The following DNMT3L variants were observed in gnomAD, a reference collection of about 807,000 sequenced individuals.
The protein encoded by DNMT3L is DNA (cytosine-5)-methyltransferase 3-like.
DNMT3L carries 33 observed loss-of-function variants against 36.2 expected under a neutral mutation model. That is an observed-to-expected ratio of 0.91 (90% confidence interval 0.69 to 1.22). The LOEUF is 1.22. DNMT3L is among the 50% of genes most tolerant of loss of function. The probability of loss-of-function intolerance (pLI) is 0.00; values close to 1 mark genes in which losing one functional copy is unlikely to be tolerated. For synonymous variants in DNMT3L, 117 were observed against 121.7 expected, an observed-to-expected ratio of 0.96 and a Z score of 0.26; for missense variants, 310 against 303.1, an observed-to-expected ratio of 1.02 and a Z score of -0.17.
intron 8 of DNMT3L, among the ~76,000 whole-genome samples, chr21:44,254,054 C>A (rs1461035712): frequency 6.6e-6 from 1 of 152,206 alleles, no homozygotes; most frequent in Non-Finnish European, 1.5e-5. Context: ...ACACAGGTGG[C>A]TGCTCATGCT....
chr21:44,254,575 C>G (rs760993114), intron 8 of DNMT3L, 42 bp downstream of exon 8: 1 of 1,604,304 alleles, frequency 6.2e-7, no homozygotes, highest in Admixed American at 1.7e-5. Context: ...GCTCGCACCC[C>G]CGCTCCCACT....
intron 8 of DNMT3L, among the ~76,000 whole-genome samples, chr21:44,253,574 C>T (rs1278860194): frequency 1.3e-5 from 2 of 152,128 alleles, no homozygotes; most frequent in African/African-American, 4.8e-5. Context: ...AAAAAATTAG[C>T]TGGGCATGGT....
At position 44,259,673 on chromosome 21, in the gene DNMT3L, G is replaced by A. The variant is rs2040299292; in HGVS notation, c.190C>T (p.Gln64Ter). The change falls in exon 4 of 12, where the codon CAG becomes TAG. Residue 64 changes from glutamine to a stop codon, truncating the protein, a stop_gained. Coordinates refer to ENST00000628202, the MANE Select transcript of DNMT3L (RefSeq NM_175867.3). LOFTEE classifies it high-confidence loss of function. ...ATCCCTCCCTCAAACAGAGGGTGCT[G>A]TGTGTGAACCTGGAGACTTCCGCAG... Reference protein sequence around the residue: ...ICCGSLQVHTQHPLFEGGICA... With the variant: ...ICCGSLQVHT 6 of 1,612,892 alleles carry A rather than the reference G, an allele frequency of 3.7e-6. No homozygotes were observed. Among genetic ancestry groups the A allele is most frequent in the African/African-American group, 1.3e-5 (1 of 74,922 alleles).
chr21:44,254,816 A>T, intron 7 of DNMT3L, 111 bp from the exon 8 acceptor site: 1 of 1,059,254 alleles, frequency 9.4e-7, no homozygotes. Context: ...TTAAGGAGCC[A>T]ACTGTATATT....
chr21:44,258,945 G>A lies in DNMT3L; in HGVS notation c.345-251C>T, dbSNP rs1266841071. Among the ~76,000 whole-genome samples the A allele has an allele frequency of 2.6e-5, 4 of 152,084 alleles. No homozygotes were observed. The highest frequency in any genetic ancestry group is 4.8e-5 in the African/African-American group (2 of 41,398). On this transcript the variant is annotated intron_variant, in intron 5 of 11. Transcript: ENST00000628202. This position sits in a 1 kb window ranked among gnomAD's most constrained non-coding sequence, Gnocchi z 6.2. ...ATGACAGATCCAAGGAACCCCCTAA[G>A]CCACCTGTCTGCCCCCAAACTCGAG... is the stretch of plus-strand genomic sequence containing the variant.
chr21:44,258,737 A>G lies in DNMT3L; in HGVS notation c.345-43T>C, dbSNP rs61410323. The G allele has an allele frequency of 0.056, 88,923 of 1,593,888 alleles. 6,350 individuals are homozygous for G. Among genetic ancestry groups the G allele is most frequent in the African/African-American group, 0.29 (21,355 of 74,494 alleles). ...ACCACAGCAGCGGACATGACAGCCC[A>G]CCTCTCCTGAGGATGGCAGAGGTGG... On this transcript the variant is annotated intron_variant, in intron 5 of 11. Coordinates refer to ENST00000628202, the MANE Select transcript of DNMT3L (RefSeq NM_175867.3). This position sits in a 1 kb window ranked among gnomAD's most constrained non-coding sequence, Gnocchi z 6.2.
At chr21:44,260,048 C>CAAAAAAAAAA (rs765722839) in intron 3 of DNMT3L, among the ~76,000 whole-genome samples, 1 of 63,482 alleles carries the variant, frequency 1.6e-5, no homozygotes, top group African/African-American at 5.7e-5. Context: ...GAGTGTGTCT[C>CAAAAAAAAAA]AAAAAAAAAA....
At position 44,260,069 on chromosome 21, in the gene DNMT3L, A is replaced by G. The variant is rs577270899; in HGVS notation, c.152-358T>C. 1.1e-3 allele frequency among the ~76,000 whole-genome samples: 164 copies of G among 151,336 alleles called. 1 individual carries two copies. Among genetic ancestry groups the G allele is most frequent in the African/African-American group, 3.2e-3 (132 of 41,064 alleles). ...GTCTCAAAAAAAAAAAAAAAAAAAA[A>G]AAGAAGAAGACTTAATATTGTTAAA... On this transcript the variant is annotated intron_variant, in intron 3 of 11. Coordinates refer to ENST00000628202, the MANE Select transcript of DNMT3L (RefSeq NM_175867.3).
intron 8 of DNMT3L, 118 bp downstream of exon 8, chr21:44,254,499 A>T: frequency 8.6e-7 from 1 of 1,159,306 alleles, no homozygotes; most frequent in Non-Finnish European, 1.2e-6. Context: ...CCGTGTGTTC[A>T]GGACTCCTCC....
chr21:44,253,958 G>A (rs748878256), intron 8 of DNMT3L, among the ~76,000 whole-genome samples: 8 of 152,254 alleles, frequency 5.3e-5, no homozygotes, highest in Admixed American at 3.9e-4. Context: ...GAGGGTCTCC[G>A]AGTGCCGAAA....
chr21:44,254,616 C>T lies in DNMT3L; in HGVS notation c.693+1G>A, dbSNP rs2040243236. On this transcript the variant is annotated splice_donor_variant, in intron 8 of 11. Transcript: ENST00000628202. LOFTEE classifies it high-confidence loss of function. ...GTCTGAGAGTTCACGGCGGTACTCA[C>T]ATCCTTCCTCACTGTGTCTGTGACA... is the stretch of plus-strand genomic sequence containing the variant. The T allele has an allele frequency of 6.2e-7, 1 of 1,613,864 alleles. No homozygotes were observed. Among genetic ancestry groups the T allele is most frequent in the Non-Finnish European group, 8.5e-7 (1 of 1,179,872 alleles).
rs189217451 is a variant in DNMT3L, at chr21:44,260,995, C to T, written c.107-156G>A. Among the ~76,000 whole-genome samples, 353 of 152,296 alleles carry T rather than the reference C, an allele frequency of 2.3e-3. 2 individuals are homozygous for T. Among genetic ancestry groups the T allele is most frequent in the South Asian group, 0.011 (54 of 4,828 alleles). On this transcript the variant is annotated intron_variant, in intron 2 of 11. Coordinates refer to ENST00000628202, the MANE Select transcript of DNMT3L (RefSeq NM_175867.3). ...TCACACCTTATCTTGGTGTGTTAAA[C>T]GCCCATACCTGGGGGAAGACTGTGG...
intron 3 of DNMT3L, among the ~76,000 whole-genome samples, chr21:44,260,100 A>G (rs2040303740): frequency 6.6e-6 from 1 of 151,736 alleles, no homozygotes; most frequent in African/African-American, 2.4e-5. Context: ...TTAAAATAGC[A>G]TGAGTCCCCA....
Position 44,256,089 on chromosome 21 carries a change from G to A in DNMT3L, c.582C>T (p.Ser194=), listed in dbSNP as rs192362607. ...CACCTTTCTTGATGTCTTCAAAAAG[G>A]GACAGCACCCGGACTGGCTGTCTCC... ...VWRRQPVRVL[S]LFEDIKKELT... is the part of the protein sequence containing the mutation. The change falls in exon 7 of 12, where the codon TCC becomes TCT. Residue 194 remains serine (S), a synonymous_variant. Transcript: ENST00000628202. The A allele has an allele frequency of 6.2e-7, 1 of 1,613,932 alleles. No homozygotes were observed. Among genetic ancestry groups the A allele is most frequent in the Admixed American group, 1.7e-5 (1 of 60,022 alleles).
In DNMT3L at chr21:44,260,846, A is replaced by G; in HGVS notation, c.107-7T>C. On this transcript the variant is annotated splice_region_variant and splice_polypyrimidine_tract_variant and intron_variant, in intron 2 of 11. Coordinates refer to ENST00000628202, the MANE Select transcript of DNMT3L (RefSeq NM_175867.3). ...ACTTCATATGCAATAAGATCTGGAA[A>G]GGAAGATAAGAAGTAGCCCCTTTCT... 1.2e-6 allele frequency: 2 copies of G among 1,613,152 alleles called. No individual in the cohort carries two copies. The highest frequency in any genetic ancestry group is 1.6e-4 in the Middle Eastern group (1 of 6,062).
At chr21:44,256,606 G>A (rs1295404531) in intron 6 of DNMT3L, among the ~76,000 whole-genome samples, 1 of 140,690 alleles carries the variant, frequency 7.1e-6, no homozygotes, top group East Asian at 2.2e-4. Flanking sequence ...TGTATTTTTA[G>A]TAGAGACAGT....
intron 6 of DNMT3L, among the ~76,000 whole-genome samples, chr21:44,256,967 G>C (rs2040264207): frequency 6.6e-6 from 1 of 150,410 alleles, no homozygotes; most frequent in Non-Finnish European, 1.5e-5. Context: ...TAACAAATGT[G>C]AGCTGGAGGC....
At chr21:44,257,488 C>T (rs1356674675) in intron 6 of DNMT3L, among the ~76,000 whole-genome samples, 23 of 151,696 alleles carry the variant, frequency 1.5e-4, no homozygotes, top group African/African-American at 3.1e-4. Flanking sequence ...GAGACCATCC[C>T]GGCTAAAACT....
In DNMT3L at chr21:44,258,372, C is replaced by T. The variant is rs1466018430; in HGVS notation, c.516+151G>A. ...CAAAGCCACCATCGAGTGGAAGCCACTATCGGAGAGGAACCCAGGAAAGAG... is the reference window on the plus strand; with the variant it reads ...CAAAGCCACCATCGAGTGGAAGCCATTATCGGAGAGGAACCCAGGAAAGAG... On this transcript the variant is annotated intron_variant, in intron 6 of 11. Coordinates refer to ENST00000628202, the MANE Select transcript of DNMT3L (RefSeq NM_175867.3). This position sits in a 1 kb window ranked among gnomAD's most constrained non-coding sequence, Gnocchi z 6.2. 3.4e-6 allele frequency: 4 copies of T among 1,177,862 alleles called. No individual in the cohort carries two copies. The highest frequency in any genetic ancestry group is 4.6e-6 in the Non-Finnish European group (4 of 868,058). 73.0% of individuals were successfully genotyped at this position (1,177,862 alleles called of 1,614,324 possible).
Sources: allele counts gnomAD v4.1 joint callset (sites outside exome capture counted in the v4.1 genomes callset), GRCh38; gene constraint gnomAD v4.1.1; non-coding constraint Gnocchi (gnomAD v3.1); transcripts MANE v1.5; gene names NCBI Gene and HGNC (gene_info 2026-07-23, HGNC 2026-07-21).